The following TNKS2 variants were observed in gnomAD, a reference collection of about 807,000 sequenced individuals.
TNKS2 encodes tankyrase 2.
In TNKS2, 72 loss-of-function variants were observed where a neutral mutation model predicts 137.6. The ratio of observed to expected loss-of-function variants is 0.52; its 90% CI spans 0.43 to 0.64. TNKS2 has a LOEUF of 0.64. Ranked by LOEUF, TNKS2 falls within the 30% of genes least tolerant of loss-of-function variation. The pLI, the probability that TNKS2 is intolerant of heterozygous loss-of-function variation, is 0.00. For missense variants in TNKS2, 1,049 were observed against 1,410.2 expected (o/e 0.74, Z 4.10); for synonymous variants, 516 against 512.1 (o/e 1.01, Z -0.10).
At chr10:91,852,950 G>A (rs937880789) in intron 21 of TNKS2, among the ~76,000 whole-genome samples, 1 of 152,188 alleles carries the variant, frequency 6.6e-6, no homozygotes, top group Non-Finnish European at 1.5e-5. Flanking sequence ...ACAAATTTTT[G>A]TAAGATAAAG....
Position 91,845,883 on chromosome 10 carries a change from T to C in TNKS2, c.2301T>C (p.His767=), listed in dbSNP as rs772592473. The C allele has an allele frequency of 7.5e-6, 12 of 1,606,320 alleles. No individual in the cohort carries two copies. The South Asian group carries it at 9.9e-5, about 13-fold the overall frequency. Residue 767 remains histidine, a synonymous_variant, in exon 18 of 27, where the codon CAT becomes CAC. Coordinates refer to ENST00000371627, the MANE Select transcript of TNKS2 (RefSeq NM_025235.4). The part of the protein sequence containing the change: ...RTQLCALLLA[H]GADPTLKNQE... ...AGCTTTGTGCTTTGTTGCTAGCCCA[T>C]GGAGCTGACCCGACTCTTAAAAATC...
At chr10:91,818,309 A>G (rs764045696) in intron 3 of TNKS2, among the ~76,000 whole-genome samples, 63 of 152,336 alleles carry the variant, frequency 4.1e-4, no homozygotes, top group African/African-American at 1.4e-3. Context: ...AAAGCCTTTA[A>G]TAAAGAAAAG....
intron 11 of TNKS2, among the ~76,000 whole-genome samples, chr10:91,832,957 T>G (rs1841868649): frequency 6.6e-6 from 1 of 152,200 alleles, no homozygotes; most frequent in Non-Finnish European, 1.5e-5. Context: ...CAATATATCT[T>G]ATTTTTTCAC....
intron 1 of TNKS2, among the ~76,000 whole-genome samples, chr10:91,805,643 C>CTTTCTGGGGGAGTTAACCTGG (rs1352607813): frequency 6.6e-6 from 1 of 152,182 alleles, no homozygotes; most frequent in African/African-American, 2.4e-5. Context: ...TCTAACTCTC[C>CTTTCTGGGGGAGTTAACCTGG]TTTCTGGGGG....
chr10:91,833,177 A>T (rs1409924849), intron 11 of TNKS2, among the ~76,000 whole-genome samples: 1 of 152,222 alleles, frequency 6.6e-6, no homozygotes, highest in Non-Finnish European at 1.5e-5. Flanking sequence ...CTCATGGCAG[A>T]AGTAGTGCAC....
chr10:91,837,784 A>G lies in TNKS2; in HGVS notation c.1527+786A>G, dbSNP rs545203952. 7.1e-4 allele frequency among the ~76,000 whole-genome samples: 108 copies of G among 152,318 alleles called. 1 individual carries two copies. The South Asian group carries it at 9.5e-3, about 13-fold the overall frequency. ...CTGAGACAGTATAGACATCTCAGAT[A>G]ACTTCAGATTTGTTTTCTAAATTCA... On this transcript the variant is annotated intron_variant, in intron 13 of 26. Coordinates refer to ENST00000371627, the MANE Select transcript of TNKS2 (RefSeq NM_025235.4).
Position 91,863,813 on chromosome 10 carries a change from T to C in TNKS2, c.*814T>C, listed in dbSNP as rs557900988. 1 of 152,168 alleles carries C rather than the reference T, an allele frequency of 6.6e-6. No homozygotes were observed. The highest frequency in any genetic ancestry group is 1.5e-5 in the Non-Finnish European group (1 of 68,000). 9.4% of individuals were successfully genotyped at this position (152,168 alleles called of 1,614,324 possible). A position where few individuals can be genotyped will look rare whatever the true frequency, so the allele number is the denominator to read the frequency against. On this transcript the variant is annotated 3_prime_UTR_variant, in exon 27 of 27. Coordinates refer to ENST00000371627, the MANE Select transcript of TNKS2 (RefSeq NM_025235.4). ...CATGTTGGAAAATTTTCTGCAGTCC[T>C]TCTGTGAAAATTAGAGCAAAGTGCT...
In TNKS2 at chr10:91,859,177, G is replaced by A. The variant is rs528675015; in HGVS notation, c.3095-285G>A. On this transcript the variant is annotated intron_variant, in intron 24 of 26. Transcript: ENST00000371627. ...TAGATTTTTATGGATTTGCAGTCTG[G>A]CATTTGGTAACTCTTACACTGATAT... 3.5e-4 allele frequency among the ~76,000 whole-genome samples: 54 copies of A among 152,212 alleles called. No individual in the cohort carries two copies. In the South Asian group the frequency reaches 1.0e-2, roughly 28 times the overall value.
In TNKS2 at chr10:91,848,735, T is replaced by G. The variant is rs76527852; in HGVS notation, c.2611+100T>G. 8 of 1,376,460 alleles carry G rather than the reference T, an allele frequency of 5.8e-6. No homozygotes were observed. In the East Asian group the frequency reaches 1.6e-4, roughly 28 times the overall value. 85.3% of individuals were successfully genotyped at this position (1,376,460 alleles called of 1,614,324 possible). A position where few individuals can be genotyped will look rare whatever the true frequency, so the allele number is the denominator to read the frequency against. On this transcript the variant is annotated intron_variant, in intron 19 of 26. Transcript: ENST00000371627. ...CATTTTTAACCTTAAATACAAGGTA[T>G]TAGTATAAAATTAGTTAACATAGCC...
chr10:91,802,416 C>A (rs1211570951), intron 1 of TNKS2, among the ~76,000 whole-genome samples: 1 of 152,122 alleles, frequency 6.6e-6, no homozygotes, highest in Non-Finnish European at 1.5e-5. Context: ...AAACTAAGGC[C>A]AGCAGGTGGA....
At chr10:91,803,590 C>T (rs576524525) in intron 1 of TNKS2, among the ~76,000 whole-genome samples, 56 of 152,264 alleles carry the variant, frequency 3.7e-4, no homozygotes, top group African/African-American at 1.2e-3. Context: ...GCCGAGATTG[C>T]GCCATTGCAC....
At chr10:91,836,581 T>C in intron 12 of TNKS2, 1 of 942,144 alleles carries the variant, frequency 1.1e-6, no homozygotes, top group Non-Finnish European at 1.3e-6. Flanking sequence ...TTCTGTTTGC[T>C]CTCTTAATTT....
chr10:91,854,068 A>G (rs1842632899), intron 21 of TNKS2, among the ~76,000 whole-genome samples: 1 of 152,220 alleles, frequency 6.6e-6, no homozygotes. Context: ...TGGAAAACAC[A>G]CAAATTCATT....
chr10:91,852,385 A>G (rs1842567317), intron 21 of TNKS2, among the ~76,000 whole-genome samples: 1 of 150,142 alleles, frequency 6.7e-6, no homozygotes, highest in Non-Finnish European at 1.5e-5. Context: ...GTGAAACCCC[A>G]TCTGTACTAA....
chr10:91,850,147 C>G (rs965628295), intron 20 of TNKS2, among the ~76,000 whole-genome samples: 7 of 151,880 alleles, frequency 4.6e-5, no homozygotes, highest in Non-Finnish European at 1.0e-4. Context: ...GGGTGGATCA[C>G]TTGAGGTCAG....
At chr10:91,841,798 GTTCAGTA>G (rs749685892) in intron 15 of TNKS2, among the ~76,000 whole-genome samples, 37 of 151,872 alleles carry the variant, frequency 2.4e-4, no homozygotes, top group Non-Finnish European at 4.6e-4. Flanking sequence ...GATGATACTG[GTTCAGTA>G]CAGATACCAG....
chr10:91,862,296 A>G, intron 26 of TNKS2, 141 bp downstream of exon 26: 2 of 625,444 alleles, frequency 3.2e-6, no homozygotes, highest in South Asian at 3.8e-5. Flanking sequence ...CAGATTTGGA[A>G]AGTTACAAAA....
At position 91,851,315 on chromosome 10, in the gene TNKS2, A is replaced by G. The variant is rs143952810; in HGVS notation, c.2794A>G (p.Arg932Gly). ...GCACAAACTAATTAAAGGAGTCGAG[A>G]GACTTATCTCCGGACAACAAGGTAT... ...HRHKLIKGVE[R>G]LISGQQGLNP... The change falls in exon 21 of 27, where the codon AGA becomes GGA. Residue 932 changes from arginine to glycine, a missense_variant. Physicochemically the swap from Arg to Gly is moderately radical, Grantham distance 125 (BLOSUM62 -2). This residue lies in a region of TNKS2 where 208 missense variants were observed against 231.2 expected (regional missense o/e 0.90). Coordinates refer to ENST00000371627, the MANE Select transcript of TNKS2 (RefSeq NM_025235.4). 1.2e-6 allele frequency: 2 copies of G among 1,607,900 alleles called. No individual in the cohort carries two copies. Among genetic ancestry groups the G allele is most frequent in the Non-Finnish European group, 1.7e-6 (2 of 1,178,710 alleles).
intron 11 of TNKS2, among the ~76,000 whole-genome samples, chr10:91,832,659 T>A (rs943299272): frequency 6.6e-6 from 1 of 152,130 alleles, no homozygotes; most frequent in African/African-American, 2.4e-5. Context: ...ATTATCCGAT[T>A]CCATGAATAT....
Sources: allele counts gnomAD v4.1 joint callset (sites outside exome capture counted in the v4.1 genomes callset), GRCh38; gene constraint gnomAD v4.1.1; regional missense constraint gnomAD v4.1.1; transcripts MANE v1.5; gene names NCBI Gene and HGNC (gene_info 2026-07-23, HGNC 2026-07-21).